Variants in OTUD7A observed in about 807,000 individuals in gnomAD.
OTUD7A encodes OTU deubiquitinase 7A, also known as OTU domain-containing protein 7A.
In OTUD7A, 12 loss-of-function variants were observed where a neutral mutation model predicts 65.7. That is an observed-to-expected ratio of 0.18 (90% CI 0.12 to 0.30). OTUD7A has a LOEUF of 0.30. OTUD7A is among the 10% of genes least tolerant of loss of function. OTUD7A has a pLI of 1.00. For synonymous variants in OTUD7A, 641 were observed against 586.3 expected, an observed-to-expected ratio of 1.09 and a Z score of -1.35; for missense variants, 1,148 against 1,304.8, an observed-to-expected ratio of 0.88 and a Z score of 1.85.
At chr15:31,515,140 C>A (rs1485619896) in intron 8 of OTUD7A, among the ~76,000 whole-genome samples, 1 of 152,164 alleles carries the variant, frequency 6.6e-6, no homozygotes. Flanking sequence ...AGAAATACCC[C>A]AGCTAGAAAT....
intron 1 of OTUD7A, among the ~76,000 whole-genome samples, chr15:31,825,483 C>G (rs896353445): frequency 6.6e-6 from 1 of 152,162 alleles, no homozygotes; most frequent in Non-Finnish European, 1.5e-5. Flanking sequence ...CAGTTATCTC[C>G]CACTGGGTCC....
chr15:31,633,347 T>A (rs1891237963), intron 3 of OTUD7A, among the ~76,000 whole-genome samples: 1 of 152,242 alleles, frequency 6.6e-6, no homozygotes, highest in African/African-American at 2.4e-5. Context: ...TTCCTATGGA[T>A]GCCTCTCCAA....
intron 1 of OTUD7A, among the ~76,000 whole-genome samples, chr15:31,782,701 G>A (rs973162046): frequency 1.1e-4 from 16 of 152,162 alleles, no homozygotes; most frequent in African/African-American, 1.7e-4. Context: ...ATAACTTCTC[G>A]TGACTTCATG....
chr15:31,531,520 C>CAAAAAAA (rs60332452), intron 5 of OTUD7A, among the ~76,000 whole-genome samples: 15 of 80,114 alleles, frequency 1.9e-4, no homozygotes, highest in East Asian at 1.4e-3. Flanking sequence ...GAGTAGGCCA[C>CAAAAAAA]AAAAAAAAAA....
intron 1 of OTUD7A, among the ~76,000 whole-genome samples, chr15:31,789,779 C>T (rs1238763670): frequency 6.7e-6 from 1 of 149,578 alleles, no homozygotes; most frequent in African/African-American, 2.5e-5. Context: ...GATCTCTGCT[C>T]ACTGCAACCT....
chr15:31,758,492 A>T (rs961181557), intron 1 of OTUD7A, among the ~76,000 whole-genome samples: 4 of 152,216 alleles, frequency 2.6e-5, no homozygotes, highest in African/African-American at 7.2e-5. Flanking sequence ...TTCTAACTGC[A>T]TTTTACAAGC....
At chr15:31,624,182 T>C (rs1374724454) in intron 3 of OTUD7A, among the ~76,000 whole-genome samples, 1 of 152,240 alleles carries the variant, frequency 6.6e-6, no homozygotes, top group African/African-American at 2.4e-5. Context: ...TGTAGTTTTA[T>C]ATACCTGCAC....
chr15:31,710,039 A>G (rs1375385941), intron 1 of OTUD7A, among the ~76,000 whole-genome samples: 5 of 152,154 alleles, frequency 3.3e-5, no homozygotes, highest in Admixed American at 3.3e-4. Flanking sequence ...CCTGGGAGAT[A>G]GAACAGAAGT....
Position 31,501,859 on chromosome 15 carries a change from T to A in OTUD7A, c.1022-20A>T. Reference sequence around the variant, plus strand: ...CGAACGCTGTGGACACAAACCAGGGTGAGGGTGTGAGGAGCAGCCAGCTCG... The same window carrying A: ...CGAACGCTGTGGACACAAACCAGGGAGAGGGTGTGAGGAGCAGCCAGCTCG... On this transcript the variant is annotated intron_variant, in intron 9 of 12. Transcript: ENST00000307050. The A allele has an allele frequency of 6.3e-7, 1 of 1,590,276 alleles. No individual in the cohort carries two copies. The highest frequency in any genetic ancestry group is 8.6e-7 in the Non-Finnish European group (1 of 1,166,592).
At chr15:31,813,634 G>C (rs1896477003) in intron 1 of OTUD7A, among the ~76,000 whole-genome samples, 1 of 152,164 alleles carries the variant, frequency 6.6e-6, no homozygotes, top group African/African-American at 2.4e-5. Context: ...CATGCTAATG[G>C]ACATTGTGCA....
chr15:31,731,962 C>T (rs1894056359), intron 1 of OTUD7A, among the ~76,000 whole-genome samples: 1 of 152,096 alleles, frequency 6.6e-6, no homozygotes, highest in South Asian at 2.1e-4. Context: ...TTCAGTAACA[C>T]TTTTTGAAAC....
intron 3 of OTUD7A, among the ~76,000 whole-genome samples, chr15:31,634,066 G>A (rs144692485): frequency 0.034 from 5,129 of 152,224 alleles, 295 homozygotes; most frequent in African/African-American, 0.12. Flanking sequence ...ACACAGACAA[G>A]AGACTCAAGG....
chr15:31,507,593 A>C (rs1224820798), intron 8 of OTUD7A, among the ~76,000 whole-genome samples: 1 of 151,268 alleles, frequency 6.6e-6, no homozygotes, highest in East Asian at 1.9e-4. Flanking sequence ...AAGGTTCTAA[A>C]CCATGGAACA....
At chr15:31,720,545 C>T (rs1022503063) in intron 1 of OTUD7A, among the ~76,000 whole-genome samples, 2 of 151,750 alleles carry the variant, frequency 1.3e-5, no homozygotes, top group African/African-American at 2.4e-5. Flanking sequence ...GGACTACAGG[C>T]GCCCGCCACC....
At chr15:31,565,606 A>C (rs1178454402) in intron 4 of OTUD7A, among the ~76,000 whole-genome samples, 1 of 152,190 alleles carries the variant, frequency 6.6e-6, no homozygotes, top group Admixed American at 6.5e-5. Context: ...CAAAAACAGC[A>C]CACACAAAAA....
At chr15:31,616,031 C>T (rs946221555) in intron 3 of OTUD7A, among the ~76,000 whole-genome samples, 5 of 152,246 alleles carry the variant, frequency 3.3e-5, no homozygotes, top group African/African-American at 1.2e-4. Context: ...CTTCTCCCAC[C>T]CCCTCAGGAT....
At chr15:31,796,640 A>C (rs1895969292) in intron 1 of OTUD7A, among the ~76,000 whole-genome samples, 2 of 152,370 alleles carry the variant, frequency 1.3e-5, no homozygotes, top group Middle Eastern at 3.4e-3. Context: ...GTAAAAGAGC[A>C]TAAGGAAAAA....
chr15:31,600,413 G>C (rs2141209870), intron 3 of OTUD7A, among the ~76,000 whole-genome samples: 1 of 152,290 alleles, frequency 6.6e-6, no homozygotes. Context: ...CAAATGCTGA[G>C]AGATTTTGTG....
intron 1 of OTUD7A, among the ~76,000 whole-genome samples, chr15:31,686,570 CA>C (rs1365722455): frequency 6.6e-6 from 1 of 152,100 alleles, no homozygotes; most frequent in Non-Finnish European, 1.5e-5. Flanking sequence ...CTCCAAGGAG[CA>C]GATCCAGAGG....
Sources: allele counts gnomAD v4.1 joint callset (sites outside exome capture counted in the v4.1 genomes callset), GRCh38; gene constraint gnomAD v4.1.1; transcripts MANE v1.5; gene names NCBI Gene and HGNC (gene_info 2026-07-23, HGNC 2026-07-21).